The following RNF152 variants were observed in gnomAD, a reference collection of about 807,000 sequenced individuals.
RNF152 encodes ring finger protein 152, also known as E3 ubiquitin-protein ligase RNF152.
A neutral mutation model predicts 12.7 loss-of-function variants in RNF152; 11 were observed. The ratio of observed to expected loss-of-function variants is 0.86; its 90% CI spans 0.54 to 1.43. RNF152 has a LOEUF of 1.43. RNF152 is among the 40% of genes most tolerant of loss of function. The pLI, the probability that RNF152 is intolerant of heterozygous loss-of-function variation, is 0.00. For missense variants in RNF152, 255 were observed against 274.8 expected (o/e 0.93, Z 0.51); for synonymous variants, 113 against 120.3 (o/e 0.94, Z 0.40).
At chr18:61,846,047 A>G (rs550989311) in intron 1 of RNF152, among the ~76,000 whole-genome samples, 12 of 152,280 alleles carry the variant, frequency 7.9e-5, no homozygotes, top group Non-Finnish European at 1.6e-4. Flanking sequence ...TTTATGAACC[A>G]GAAAATGGGC....
chr18:61,890,927 G>A (rs1302490714), intron 1 of RNF152, among the ~76,000 whole-genome samples: 1 of 152,208 alleles, frequency 6.6e-6, no homozygotes, highest in African/African-American at 2.4e-5. Context: ...CAATGAAAGA[G>A]GCATTAAAGT....
chr18:61,834,128 T>C (rs911248125), intron 1 of RNF152, among the ~76,000 whole-genome samples: 1 of 152,184 alleles, frequency 6.6e-6, no homozygotes, highest in African/African-American at 2.4e-5. Flanking sequence ...CTGGCTTGAA[T>C]CCCACACTCC....
At chr18:61,820,780 A>T (rs571248640) in intron 1 of RNF152, among the ~76,000 whole-genome samples, 1 of 152,278 alleles carries the variant, frequency 6.6e-6, no homozygotes, top group East Asian at 1.9e-4. Flanking sequence ...CTTCTACATC[A>T]CAATGTGGGA....
chr18:61,835,607 T>C (rs1041024181), intron 1 of RNF152, among the ~76,000 whole-genome samples: 1 of 152,096 alleles, frequency 6.6e-6, no homozygotes, highest in Non-Finnish European at 1.5e-5. Context: ...TCAAAAATAA[T>C]AAATTAAAAA....
At chr18:61,876,813 C>G (rs918417882) in intron 1 of RNF152, among the ~76,000 whole-genome samples, 9 of 152,192 alleles carry the variant, frequency 5.9e-5, no homozygotes, top group Non-Finnish European at 1.3e-4. Context: ...GCCTGGCACA[C>G]AATTCATGGC....
Position 61,824,364 on chromosome 18 carries a change from G to T in RNF152, c.-135-7766C>A, listed in dbSNP as rs533420327. On this transcript the variant is annotated intron_variant, in intron 1 of 1. Coordinates refer to ENST00000312828, the MANE Select transcript of RNF152 (RefSeq NM_173557.3). The stretch of plus-strand genomic sequence containing the variant: ...AAAATATTCTATGACCTAAATAATT[G>T]CTGAAAACACTGCTGGGTTTCCAAC... Among the ~76,000 whole-genome samples, 10 of 152,312 alleles carry T rather than the reference G, an allele frequency of 6.6e-5. No individual in the cohort carries two copies. The East Asian group carries it at 1.3e-3, about 21-fold the overall frequency.
intron 1 of RNF152, among the ~76,000 whole-genome samples, chr18:61,855,604 C>T (rs948100572): frequency 6.6e-6 from 1 of 152,254 alleles, no homozygotes; most frequent in Admixed American, 6.5e-5. Context: ...GGAGCCAGCA[C>T]CTGTGCCAGC....
chr18:61,827,341 GA>G (rs988231762), intron 1 of RNF152, among the ~76,000 whole-genome samples: 1 of 152,082 alleles, frequency 6.6e-6, no homozygotes, highest in African/African-American at 2.4e-5. Context: ...AAATACTAAA[GA>G]ACATGTATGA....
intron 1 of RNF152, among the ~76,000 whole-genome samples, chr18:61,844,641 C>T (rs1050244400): frequency 6.6e-6 from 1 of 152,122 alleles, no homozygotes; most frequent in African/African-American, 2.4e-5. Context: ...CTAGCACAAA[C>T]AGGCCAACAA....
At chr18:61,816,633 A>G (rs1909110798) in intron 1 of RNF152, 35 bp from the exon 2 acceptor site, 2 of 669,692 alleles carry the variant, frequency 3.0e-6, no homozygotes, top group African/African-American at 3.6e-5. Context: ...AATCTTAATT[A>G]TTTCAAAGAA....
intron 1 of RNF152, among the ~76,000 whole-genome samples, chr18:61,832,581 A>G (rs370754248): frequency 1.3e-5 from 2 of 152,334 alleles, no homozygotes; most frequent in East Asian, 3.9e-4. Flanking sequence ...ATTCTCAATA[A>G]CTTATCTTTC....
At chr18:61,840,875 T>C (rs1448118721) in intron 1 of RNF152, among the ~76,000 whole-genome samples, 1 of 152,306 alleles carries the variant, frequency 6.6e-6, no homozygotes, top group East Asian at 1.9e-4. Context: ...TTTCAGAGCC[T>C]TTTCCCCTTC....
chr18:61,852,006 G>A (rs573275239), intron 1 of RNF152, among the ~76,000 whole-genome samples: 1 of 151,976 alleles, frequency 6.6e-6, no homozygotes, highest in East Asian at 1.9e-4. Flanking sequence ...GGCAAATGAC[G>A]TCACCTACTG....
At chr18:61,878,069 G>A (rs1171232737) in intron 1 of RNF152, among the ~76,000 whole-genome samples, 2 of 152,210 alleles carry the variant, frequency 1.3e-5, no homozygotes, top group African/African-American at 2.4e-5. Context: ...GAAAGAGAAC[G>A]AGGGTAGAAA....
intron 1 of RNF152, among the ~76,000 whole-genome samples, chr18:61,819,441 G>C (rs562962662): frequency 6.4e-4 from 97 of 152,336 alleles, no homozygotes; most frequent in Non-Finnish European, 1.0e-3. Flanking sequence ...GACCTATTGG[G>C]AGGCTATTAC....
At chr18:61,857,530 A>G (rs1911279531) in intron 1 of RNF152, among the ~76,000 whole-genome samples, 1 of 152,186 alleles carries the variant, frequency 6.6e-6, no homozygotes, top group Admixed American at 6.5e-5. Flanking sequence ...AGGCAAGAGA[A>G]TGTTCCCCAC....
intron 1 of RNF152, among the ~76,000 whole-genome samples, chr18:61,833,512 G>A (rs1599276391): frequency 6.6e-6 from 1 of 152,088 alleles, no homozygotes; most frequent in South Asian, 2.1e-4. Flanking sequence ...AAACTCCTCT[G>A]CGTTTCCCTC....
At chr18:61,851,300 G>A (rs561603428) in intron 1 of RNF152, among the ~76,000 whole-genome samples, 1 of 152,174 alleles carries the variant, frequency 6.6e-6, no homozygotes, top group East Asian at 1.9e-4. Context: ...TCCTTCACAA[G>A]GGTGTCCACT....
intron 1 of RNF152, among the ~76,000 whole-genome samples, chr18:61,823,321 A>G (rs1909505710): frequency 6.6e-6 from 1 of 152,126 alleles, no homozygotes; most frequent in African/African-American, 2.4e-5. Context: ...TTTTTTTGAG[A>G]TGGACTCTCA....
Sources: allele counts gnomAD v4.1 joint callset (sites outside exome capture counted in the v4.1 genomes callset), GRCh38; gene constraint gnomAD v4.1.1; transcripts MANE v1.5; gene names NCBI Gene and HGNC (gene_info 2026-07-23, HGNC 2026-07-21).